The following NBPF3 variants were observed in gnomAD, a reference collection of about 807,000 sequenced individuals.
NBPF3 encodes NBPF family member NBPF3.
A neutral mutation model predicts 78.1 loss-of-function variants in NBPF3; 57 were observed. The observed-to-expected ratio is 0.73, with a 90% CI of 0.59 to 0.91. NBPF3 has a LOEUF of 0.91. NBPF3 is among the 40% of genes least tolerant of loss of function. NBPF3 has a pLI of 0.00. For missense variants in NBPF3, 510 were observed against 715.3 expected (o/e 0.71, Z 3.27); for synonymous variants, 182 against 271.7 (o/e 0.67, Z 3.25).
chr1:21,475,426 T>C (rs1642840306), intron 8 of NBPF3, among the ~76,000 whole-genome samples: 1 of 152,242 alleles, frequency 6.6e-6, no homozygotes, highest in African/African-American at 2.4e-5. Flanking sequence ...CCACACTGCT[T>C]TAAATGTGTC....
intron 2 of NBPF3, among the ~76,000 whole-genome samples, chr1:21,457,739 C>A (rs1173541263): frequency 6.6e-6 from 1 of 152,170 alleles, no homozygotes; most frequent in African/African-American, 2.4e-5. Flanking sequence ...ATATGCAAAT[C>A]AGATGGACAG....
chr1:21,471,484 T>C (rs1310314416), intron 4 of NBPF3, 85 bp from the exon 5 acceptor site: 37 of 1,600,280 alleles, frequency 2.3e-5, no homozygotes, highest in Non-Finnish European at 3.0e-5. Context: ...TTGAGGACAT[T>C]GTCTCAGAAA....
intron 2 of NBPF3, among the ~76,000 whole-genome samples, chr1:21,465,712 G>T (rs4061685): frequency 5.9e-5 from 9 of 152,318 alleles, no homozygotes; most frequent in African/African-American, 1.9e-4. Context: ...GAGTAGAAAT[G>T]AAGTTTGCCT....
At chr1:21,462,140 G>A (rs1641983542) in intron 2 of NBPF3, among the ~76,000 whole-genome samples, 4 of 152,092 alleles carry the variant, frequency 2.6e-5, no homozygotes, top group Admixed American at 2.0e-4. Flanking sequence ...AGATGCGGGG[G>A]CCATGCTTCT....
At chr1:21,470,589 T>C (rs1437098484) in intron 3 of NBPF3, 43 bp from the exon 4 acceptor site, 4 of 1,487,590 alleles carry the variant, frequency 2.7e-6, no homozygotes, top group Non-Finnish European at 2.8e-6. Flanking sequence ...CAGAGCAGCA[T>C]GTCCAGCCTT....
chr1:21,460,263 G>A lies in NBPF3; in HGVS notation c.134-8425G>A, dbSNP rs938257237. The stretch of plus-strand genomic sequence containing the variant: ...TTATACTTTAAGTTCTAGGATACTT[G>A]TGCACAACGTGCAGGTTTGTTACAT... On this transcript the variant is annotated intron_variant, in intron 2 of 14. Transcript: ENST00000318249. The surrounding 1 kb of genome is among the most constrained non-coding windows in gnomAD (Gnocchi z 4.2). Among the ~76,000 whole-genome samples, 1 of 152,214 alleles carries A rather than the reference G, an allele frequency of 6.6e-6. No individual in the cohort carries two copies. The highest frequency in any genetic ancestry group is 1.5e-5 in the Non-Finnish European group (1 of 68,040).
intron 2 of NBPF3, 155 bp from the exon 3 acceptor site, chr1:21,468,533 T>C (rs1642401961): frequency 6.7e-7 from 1 of 1,498,268 alleles, no homozygotes; most frequent in Admixed American, 2.4e-5. Context: ...AACATTGTTT[T>C]TGTCGTTAAG....
At chr1:21,473,829 C>G (rs982929804) in intron 7 of NBPF3, among the ~76,000 whole-genome samples, 3 of 152,218 alleles carry the variant, frequency 2.0e-5, no homozygotes, top group African/African-American at 7.2e-5. Context: ...GCAGGAGGTA[C>G]ACAGGAAGTA....
chr1:21,462,907 G>A (rs1461559954), intron 2 of NBPF3, among the ~76,000 whole-genome samples: 2 of 152,174 alleles, frequency 1.3e-5, no homozygotes, highest in Non-Finnish European at 2.9e-5. Flanking sequence ...CATGGCAGTG[G>A]ACATGAGCCA....
intron 3 of NBPF3, among the ~76,000 whole-genome samples, chr1:21,470,089 CT>C (rs755737644): frequency 6.6e-6 from 1 of 152,192 alleles, no homozygotes; most frequent in Non-Finnish European, 1.5e-5. Flanking sequence ...GGCAGATTTC[CT>C]TCATGGCCTT....
In NBPF3 at chr1:21,474,882, C is replaced by T; in HGVS notation, c.941-18C>T. The T allele has an allele frequency of 6.3e-7, 1 of 1,595,538 alleles. No homozygotes were observed. Among genetic ancestry groups the T allele is most frequent in the South Asian group, 1.1e-5 (1 of 90,902 alleles). On this transcript the variant is annotated intron_variant, in intron 7 of 14. Transcript: ENST00000318249. ...GTGAATTGCTTAATGTGACCTGCTT[C>T]TCTGAATTTATTTCCAGAAAATGAA...
At chr1:21,453,561 G>C (rs1364367224) in intron 2 of NBPF3, 1 of 152,276 alleles carries the variant, frequency 6.6e-6, no homozygotes, top group African/African-American at 2.4e-5. Flanking sequence ...TTCTGGAAGA[G>C]TAGAGGACAG....
At chr1:21,458,750 G>A (rs1641779299) in intron 2 of NBPF3, among the ~76,000 whole-genome samples, 2 of 152,316 alleles carry the variant, frequency 1.3e-5, no homozygotes, top group East Asian at 1.9e-4. Context: ...CCTTGAGGCC[G>A]AGGGCTGAAA....
intron 8 of NBPF3, 68 bp downstream of exon 8, chr1:21,475,019 T>C: frequency 1.4e-6 from 2 of 1,406,882 alleles, no homozygotes; most frequent in South Asian, 2.3e-5. Context: ...TTAGAGAAAA[T>C]GAGGAAGCAA....
At position 21,471,751 on chromosome 1, in the gene NBPF3, T is replaced by C. The variant is rs774107457; in HGVS notation, c.629T>C (p.Leu210Pro). 6.8e-6 allele frequency: 11 copies of C among 1,612,638 alleles called. No homozygotes were observed. The Admixed American group carries it at 1.3e-4, about 20-fold the overall frequency. The change falls in exon 5 of 15, where the codon CTG (leucine) becomes CCG (proline). Residue 210 changes from leucine (L) to proline (P), a missense_variant. Around this residue, in one of 5 missense-constraint regions of NBPF3, gnomAD observed 440 missense variants for 478.2 expected, o/e 0.92. Coordinates refer to ENST00000318249, the MANE Select transcript of NBPF3 (RefSeq NM_032264.6). ...LREQLAEGCR[L>P]AQHLVQKLSP... ...GAACAGCTGGCTGAGGGATGTAGGC[T>C]GGCACAGCACCTCGTCCAAAAGCTC...
In NBPF3 at chr1:21,484,306, CT is replaced by C. The variant is rs1643368046; in HGVS notation, c.*923del. 1 of 145,994 alleles carries C rather than the reference CT, an allele frequency of 6.8e-6. No individual in the cohort carries two copies. The highest frequency in any genetic ancestry group is 1.5e-5 in the Non-Finnish European group (1 of 66,532). 9.0% of individuals were successfully genotyped at this position (145,994 alleles called of 1,614,324 possible). A position where few individuals can be genotyped will look rare whatever the true frequency, so the allele number is the denominator to read the frequency against. ...AGTAAATGATAATGTAGCTACATTT[CT>C]TTAGTTATTTTGAACCCCAAATATT... On this transcript the variant is annotated 3_prime_UTR_variant, in exon 15 of 15. Coordinates refer to ENST00000318249, the MANE Select transcript of NBPF3 (RefSeq NM_032264.6).
At chr1:21,461,530 G>A (rs1242174460) in intron 2 of NBPF3, among the ~76,000 whole-genome samples, 4 of 152,150 alleles carry the variant, frequency 2.6e-5, no homozygotes, top group Non-Finnish European at 5.9e-5. Context: ...GGAGTGCAGT[G>A]GCACGATCTC....
rs766607677 is a variant in NBPF3 at position 21,474,907 on chromosome 1, A to C, written c.948A>C (p.Glu316Asp). 8 of 1,602,440 alleles carry C rather than the reference A, an allele frequency of 5.0e-6. No individual in the cohort carries two copies. The Admixed American group carries it at 1.3e-4, about 27-fold the overall frequency. The part of the protein sequence containing the change: ...LDAVCIIPEN[E>D]SDHEQEEEKG... ...CTCTGAATTTATTTCCAGAAAATGAAAGTGATCATGAGCAAGAGGAAGAAA... is the reference window on the plus strand; with the variant it reads ...CTCTGAATTTATTTCCAGAAAATGACAGTGATCATGAGCAAGAGGAAGAAA... Residue 316 changes from glutamate (E) to aspartate (D), a missense_variant, in exon 8 of 15, where the codon GAA (glutamate) becomes GAC (aspartate). This residue lies in a region of NBPF3 where 440 missense variants were observed against 478.2 expected (regional missense o/e 0.92). Transcript: ENST00000318249.
intron 2 of NBPF3, chr1:21,467,230 G>T (rs1486277145): frequency 6.1e-6 from 6 of 985,306 alleles, no homozygotes; most frequent in Non-Finnish European, 7.2e-6. Context: ...TTTGAAATGG[G>T]ATTGATCCAG....
Sources: allele counts gnomAD v4.1 joint callset (sites outside exome capture counted in the v4.1 genomes callset), GRCh38; gene constraint gnomAD v4.1.1; regional missense constraint gnomAD v4.1.1; non-coding constraint Gnocchi (gnomAD v3.1); transcripts MANE v1.5; gene names NCBI Gene and HGNC (gene_info 2026-07-23, HGNC 2026-07-21).